Variants in ZNF385C observed in about 807,000 individuals in gnomAD.
The protein encoded by ZNF385C is CTD-2132N18.2.
ZNF385C carries 28 observed loss-of-function variants against 35.4 expected under a neutral mutation model. That is an observed-to-expected ratio of 0.79 (90% CI 0.59 to 1.08). ZNF385C has a LOEUF of 1.08. Among genes scored for constraint, ZNF385C ranks in the 50% least tolerant of loss-of-function variants. ZNF385C has a pLI of 0.00. For synonymous variants in ZNF385C, 248 were observed against 248.2 expected (o/e 1.00, Z 0.01); for missense variants, 605 against 595.6 (o/e 1.02, Z -0.16).
chr17:42,042,751 A>T (rs1347391967), intron 2 of ZNF385C: 3 of 1,043,700 alleles, frequency 2.9e-6, no homozygotes, highest in South Asian at 5.0e-5. Flanking sequence ...CTCCCCAAGG[A>T]GCTGGCATGC....
At chr17:42,047,455 G>A (rs553475486) in intron 2 of ZNF385C, among the ~76,000 whole-genome samples, 37 of 152,218 alleles carry the variant, frequency 2.4e-4, no homozygotes, top group Non-Finnish European at 3.8e-4. Context: ...GATTACAGGC[G>A]CCTGGCCCAA....
chr17:42,031,460 A>G (rs1474014523), intron 5 of ZNF385C, among the ~76,000 whole-genome samples, 159 bp downstream of exon 5: 1 of 152,192 alleles, frequency 6.6e-6, no homozygotes, highest in African/African-American at 2.4e-5. Context: ...GGGTGTGTTC[A>G]GCTTAGGAAA....
intron 1 of ZNF385C, among the ~76,000 whole-genome samples, chr17:42,093,566 T>TTTTTA (rs1208064016): frequency 2.7e-5 from 4 of 150,792 alleles, no homozygotes; most frequent in African/African-American, 7.4e-5. Context: ...TTTTTTTTAC[T>TTTTTA]TTTTATTTTA....
At chr17:42,043,447 A>T in intron 2 of ZNF385C, 1 of 1,197,924 alleles carries the variant, frequency 8.3e-7, no homozygotes, top group Non-Finnish European at 1.0e-6. Context: ...CCCCACACAC[A>T]GGCACCTCCC....
intron 2 of ZNF385C, chr17:42,043,482 G>C: frequency 9.5e-7 from 1 of 1,048,934 alleles, no homozygotes; most frequent in East Asian, 3.2e-5. Flanking sequence ...TGATGGGGAG[G>C]CAGGCTGGGG....
intron 2 of ZNF385C, among the ~76,000 whole-genome samples, chr17:42,049,705 C>T (rs2053244204): frequency 6.6e-6 from 1 of 152,246 alleles, no homozygotes. Context: ...TTTCCATGTA[C>T]ATCGAAGCTG....
intron 1 of ZNF385C, among the ~76,000 whole-genome samples, chr17:42,087,915 T>C (rs1245491967): frequency 6.6e-6 from 1 of 152,208 alleles, no homozygotes; most frequent in Non-Finnish European, 1.5e-5. Context: ...ACTACCTATA[T>C]ATAAACTATA....
intron 1 of ZNF385C, among the ~76,000 whole-genome samples, chr17:42,068,483 AC>A (rs782108537): frequency 2.6e-5 from 4 of 152,214 alleles, no homozygotes; most frequent in Admixed American, 1.3e-4. Flanking sequence ...TTGAGGGCTT[AC>A]TGTGGGCCAG....
chr17:42,060,133 C>G (rs2053439451), intron 2 of ZNF385C, among the ~76,000 whole-genome samples: 2 of 152,176 alleles, frequency 1.3e-5, no homozygotes, highest in Admixed American at 1.3e-4. Context: ...TTCTGTCTCC[C>G]TCTCAGCACC....
chr17:42,066,999 G>A (rs782457007), intron 1 of ZNF385C, among the ~76,000 whole-genome samples: 8 of 152,158 alleles, frequency 5.3e-5, no homozygotes, highest in Non-Finnish European at 1.0e-4. Flanking sequence ...AACCTGGGAG[G>A]CAGAGGTTGC....
At chr17:42,031,365 C>T (rs2052724790) in intron 5 of ZNF385C, among the ~76,000 whole-genome samples, 1 of 152,154 alleles carries the variant, frequency 6.6e-6, no homozygotes, top group Non-Finnish European at 1.5e-5. Flanking sequence ...GTGAAGGCAG[C>T]CCTTGGAAAT....
intron 2 of ZNF385C, chr17:42,038,331 T>C: frequency 2.4e-6 from 1 of 410,738 alleles, no homozygotes; most frequent in Non-Finnish European, 4.4e-6. Flanking sequence ...CTATCCTCCC[T>C]CCCTCCAGAT....
At chr17:42,034,403 C>T in intron 3 of ZNF385C, 68 bp from the exon 4 acceptor site, 1 of 1,092,162 alleles carries the variant, frequency 9.2e-7, no homozygotes, top group Non-Finnish European at 1.3e-6. Flanking sequence ...GGGGGCAGCA[C>T]AAAATGCCCA....
intron 5 of ZNF385C, among the ~76,000 whole-genome samples, chr17:42,029,611 G>T (rs1463248758): frequency 6.6e-6 from 1 of 152,218 alleles, no homozygotes; most frequent in African/African-American, 2.4e-5. Flanking sequence ...CTACTCGGGA[G>T]GCTGAGGCAG....
chr17:42,062,452 G>A (rs376400006), intron 2 of ZNF385C: 5 of 194,082 alleles, frequency 2.6e-5, no homozygotes, highest in South Asian at 1.9e-4. Context: ...CCCCCACCCC[G>A]CAGATGAGGC....
At chr17:42,051,600 G>A (rs1199152568) in intron 2 of ZNF385C, among the ~76,000 whole-genome samples, 1 of 152,164 alleles carries the variant, frequency 6.6e-6, no homozygotes, top group Non-Finnish European at 1.5e-5. Flanking sequence ...GGTGCTAGGT[G>A]TGGAGGCCAT....
At chr17:42,079,563 G>C (rs1293416032) in intron 1 of ZNF385C, among the ~76,000 whole-genome samples, 2 of 151,260 alleles carry the variant, frequency 1.3e-5, no homozygotes, top group South Asian at 4.2e-4. Flanking sequence ...CTGCTCAGGA[G>C]GCTGGGACAG....
In ZNF385C at chr17:42,062,897, A is replaced by T; in HGVS notation, c.160T>A (p.Ser54Thr). The part of the protein sequence containing the change: ...LCDVCNIQLN[S>T]AAQAQVHCGG... The stretch of plus-strand genomic sequence containing the variant: ...CAGTGCACCTGGGCCTGGGCCGCCG[A>T]GTTCAGCTGGATGTTGCAGACATCA... Residue 54 changes from serine to threonine, a missense_variant, in exon 2 of 9, where the codon TCG becomes ACG. By Grantham distance (58) the Ser-to-Thr change is moderately conservative (BLOSUM62 1). Coordinates refer to ENST00000692273, the MANE Select transcript of ZNF385C (RefSeq NM_001392013.1). 1.5e-6 allele frequency: 1 copy of T among 682,888 alleles called. No individual in the cohort carries two copies. The highest frequency in any genetic ancestry group is 2.8e-5 in the East Asian group (1 of 35,830). The allele number at this position is 682,888 out of a possible 1,614,324, so 42.3% of individuals were successfully genotyped here.
chr17:42,070,329 G>C (rs1387332529), intron 1 of ZNF385C, among the ~76,000 whole-genome samples: 1 of 152,212 alleles, frequency 6.6e-6, no homozygotes, highest in Non-Finnish European at 1.5e-5. Context: ...GTGCGACAGA[G>C]CGAGACTCCA....
Sources: gnomAD v4.1 joint callset for allele counts (sites outside exome capture counted in the v4.1 genomes callset) on GRCh38, gnomAD v4.1.1 for gene constraint, MANE v1.5 for transcripts, NCBI Gene and HGNC (gene_info 2026-07-23, HGNC 2026-07-21) for gene names.